Variants in ALDH2 observed in about 807,000 individuals in gnomAD.
ALDH2 encodes the protein aldehyde dehydrogenase 2 family member.
ALDH2 carries 44 observed loss-of-function variants against 59.6 expected under a neutral mutation model. The observed-to-expected ratio is 0.74, with a 90% CI of 0.58 to 0.95. The LOEUF is 0.95. ALDH2 is among the 40% of genes least tolerant of loss of function. The probability of loss-of-function intolerance (pLI) is 0.00; values close to 1 mark genes in which losing one functional copy is unlikely to be tolerated. For synonymous variants in ALDH2, 291 were observed against 284.0 expected (o/e 1.02, Z -0.25); for missense variants, 570 against 696.3 (o/e 0.82, Z 2.04).
At chr12:111,804,729 A>G (rs1399300143) in intron 12 of ALDH2, among the ~76,000 whole-genome samples, 1 of 151,350 alleles carries the variant, frequency 6.6e-6, no homozygotes. Context: ...CCTGGGCAAC[A>G]GAGCGAGACT....
chr12:111,800,759 G>A (rs1362069778), intron 11 of ALDH2, among the ~76,000 whole-genome samples: 1 of 152,036 alleles, frequency 6.6e-6, no homozygotes, highest in Non-Finnish European at 1.5e-5. Flanking sequence ...AAATAATTTG[G>A]GAGCTCCTCA....
intron 1 of ALDH2, among the ~76,000 whole-genome samples, chr12:111,774,417 C>T (rs1259157552): frequency 6.6e-6 from 1 of 152,146 alleles, no homozygotes; most frequent in Non-Finnish European, 1.5e-5. Context: ...CGCAGATTAG[C>T]AAGTGAAAGA....
rs532463245 is a variant in ALDH2 at position 111,785,188 on chromosome 12, G to T, written c.361-79G>T. On this transcript the variant is annotated intron_variant, in intron 3 of 12. Transcript: ENST00000261733. ...CTTGCACCAGCCCTTCTCAGTCCCA[G>T]CCTTGGCGCCCTCTGTCAGCCCTTT... 1.1e-5 allele frequency: 13 copies of T among 1,199,966 alleles called. No individual in the cohort carries two copies. In the East Asian group the frequency reaches 2.6e-4, roughly 24 times the overall value. 74.3% of individuals were successfully genotyped at this position (1,199,966 alleles called of 1,614,324 possible).
rs368356402 is a variant in ALDH2 at position 111,789,896 on chromosome 12, C to T, written c.514C>T (p.Arg172Cys). 20 of 1,614,094 alleles carry T rather than the reference C, an allele frequency of 1.2e-5. No individual in the cohort carries two copies. Among genetic ancestry groups the T allele is most frequent in the African/African-American group, 2.7e-5 (2 of 74,926 alleles). ...TGACGGAGACTTCTTCAGCTACACA[C>T]GCCATGAACCTGTGGGGGTGTGCGG... ...PIDGDFFSYT[R>C]HEPVGVCGQI... The change falls in exon 5 of 13, where the codon CGC (arginine) becomes TGC (cysteine). Residue 172 changes from arginine (R) to cysteine (C), a missense_variant. Physicochemically the swap from Arg to Cys is radical, Grantham distance 180. Transcript: ENST00000261733.
intron 3 of ALDH2, among the ~76,000 whole-genome samples, chr12:111,784,029 C>T (rs2068292983): frequency 6.6e-6 from 1 of 152,218 alleles, no homozygotes. Flanking sequence ...GCAAACCTTC[C>T]AGAAGGCAGA....
At chr12:111,772,879 C>T (rs1369072635) in intron 1 of ALDH2, among the ~76,000 whole-genome samples, 3 of 150,696 alleles carry the variant, frequency 2.0e-5, no homozygotes, top group South Asian at 2.1e-4. Flanking sequence ...TTTAGGTGGC[C>T]GGGCATGGCA....
intron 9 of ALDH2, among the ~76,000 whole-genome samples, chr12:111,793,607 T>G (rs970355388): frequency 1.3e-5 from 2 of 152,050 alleles, no homozygotes; most frequent in Non-Finnish European, 2.9e-5. Context: ...AATTTTTATT[T>G]TTTTTGGAGA....
At position 111,798,161 on chromosome 12, in the gene ALDH2, C is replaced by T. The variant is rs1296069830; in HGVS notation, c.1167C>T (p.Gly389=). The change falls in exon 10 of 13, where the codon GGC becomes GGT. Residue 389 remains glycine (G), a synonymous_variant. Coordinates refer to ENST00000261733, the MANE Select transcript of ALDH2 (RefSeq NM_000690.4). ...GGGCGAAGCTGCTGTGTGGTGGGGG[C>T]ATTGCTGCTGACCGTGGTTACTTCA... ...QEGAKLLCGG[G]IAADRGYFIQ... is the part of the protein sequence containing the mutation. 6.2e-7 allele frequency: 1 copy of T among 1,612,268 alleles called. No individual in the cohort carries two copies. Among genetic ancestry groups the T allele is most frequent in the South Asian group, 1.1e-5 (1 of 90,744 alleles).
chr12:111,793,292 T>C (rs1242131673), intron 9 of ALDH2, among the ~76,000 whole-genome samples: 1 of 152,022 alleles, frequency 6.6e-6, no homozygotes, highest in East Asian at 1.9e-4. Flanking sequence ...CAATCATACC[T>C]CACCTCAGCC....
chr12:111,768,425 C>T (rs555940803), intron 1 of ALDH2, among the ~76,000 whole-genome samples: 1 of 152,300 alleles, frequency 6.6e-6, no homozygotes, highest in African/African-American at 2.4e-5. Context: ...AGGTCATTTG[C>T]AAGGGAATTT....
chr12:111,767,833 A>C (rs2068170978), intron 1 of ALDH2, among the ~76,000 whole-genome samples: 1 of 152,194 alleles, frequency 6.6e-6, no homozygotes, highest in Non-Finnish European at 1.5e-5. Flanking sequence ...AGAGGCTGAA[A>C]TTGGTTATGA....
intron 10 of ALDH2, among the ~76,000 whole-genome samples, chr12:111,799,682 G>A (rs1260634915): frequency 6.6e-6 from 1 of 152,156 alleles, no homozygotes; most frequent in African/African-American, 2.4e-5. Context: ...TTAGAAATGG[G>A]ATACTGTATG....
chr12:111,787,994 G>A (rs1191975291), intron 4 of ALDH2, among the ~76,000 whole-genome samples: 1 of 151,880 alleles, frequency 6.6e-6, no homozygotes, highest in Non-Finnish European at 1.5e-5. Flanking sequence ...AGCTGAGATC[G>A]CGCCACTGCA....
intron 3 of ALDH2, among the ~76,000 whole-genome samples, chr12:111,784,705 C>G (rs555529565): frequency 6.6e-6 from 1 of 152,178 alleles, no homozygotes; most frequent in Non-Finnish European, 1.5e-5. Context: ...ACCTCTACCT[C>G]CCAAGTTCAA....
chr12:111,797,280 CAGTT>C (rs1249289198), intron 9 of ALDH2, among the ~76,000 whole-genome samples: 2 of 152,196 alleles, frequency 1.3e-5, no homozygotes, highest in Admixed American at 6.5e-5. Context: ...CTTTCTGTGT[CAGTT>C]AGTTCACAGA....
intron 7 of ALDH2, among the ~76,000 whole-genome samples, chr12:111,791,842 C>G (rs533354114): frequency 2.6e-5 from 4 of 152,218 alleles, no homozygotes; most frequent in African/African-American, 9.6e-5. Flanking sequence ...GTCAAGGCTG[C>G]AGTGAGCTGA....
chr12:111,803,800 C>A, intron 11 of ALDH2, 59 bp from the exon 12 acceptor site: 2 of 1,254,084 alleles, frequency 1.6e-6, no homozygotes, highest in Non-Finnish European at 2.2e-6. Context: ...ACAGGGGGTC[C>A]TGGGAGTGTA....
chr12:111,766,958 G>T lies in ALDH2; in HGVS notation c.-25G>T, dbSNP rs918720354. The T allele has an allele frequency of 6.6e-7, 1 of 1,513,372 alleles. No individual in the cohort carries two copies. The highest frequency in any genetic ancestry group is 8.8e-7 in the Non-Finnish European group (1 of 1,136,366). 93.7% of individuals were successfully genotyped at this position (1,513,372 alleles called of 1,614,324 possible). A position where few individuals can be genotyped will look rare whatever the true frequency, so the allele number is the denominator to read the frequency against. On this transcript the variant is annotated 5_prime_UTR_variant, in exon 1 of 13. Transcript: ENST00000261733. Reference sequence around the variant, plus strand: ...GAGACCCTAGCTCTGCTCTCGGTCCGCTCGCTGTCCGCTAGCCCGCTGCGA... The same window carrying T: ...GAGACCCTAGCTCTGCTCTCGGTCCTCTCGCTGTCCGCTAGCCCGCTGCGA...
intron 9 of ALDH2, among the ~76,000 whole-genome samples, chr12:111,796,810 T>C (rs2068408062): frequency 6.6e-6 from 1 of 151,956 alleles, no homozygotes; most frequent in South Asian, 2.1e-4. Context: ...GAGACTGAGA[T>C]GAGAAGATAC....
Sources: gnomAD v4.1 joint callset for allele counts (sites outside exome capture counted in the v4.1 genomes callset) on GRCh38, gnomAD v4.1.1 for gene constraint, MANE v1.5 for transcripts, NCBI Gene and HGNC (gene_info 2026-07-23, HGNC 2026-07-21) for gene names.